The following TCF12 variants were observed in gnomAD, a reference collection of about 807,000 sequenced individuals.
The protein encoded by TCF12 is transcription factor 12.
Under a neutral mutation model 86.0 loss-of-function variants are expected in TCF12, and 45 were observed. The ratio of observed to expected loss-of-function variants is 0.52; its 90% CI spans 0.41 to 0.67. The LOEUF (loss-of-function observed/expected upper bound fraction) is 0.67, where lower values mean the gene tolerates loss of function less well. Ranked by LOEUF, TCF12 falls within the 30% of genes least tolerant of loss-of-function variation. The pLI, the probability that TCF12 is intolerant of heterozygous loss-of-function variation, is 0.00. For missense variants in TCF12, 881 were observed against 859.9 expected, an observed-to-expected ratio of 1.02 and a Z score of -0.31; for synonymous variants, 330 against 299.6, an observed-to-expected ratio of 1.10 and a Z score of -1.05.
intron 3 of TCF12, among the ~76,000 whole-genome samples, chr15:57,023,516 G>C (rs2065624835): frequency 6.6e-6 from 1 of 152,006 alleles, no homozygotes; most frequent in African/African-American, 2.4e-5. Flanking sequence ...AACCATATGA[G>C]TTGTACCCTT....
Position 57,262,126 on chromosome 15 carries a change from C to G in TCF12, c.1500C>G (p.Leu500=), listed in dbSNP as rs570243022. Residue 500 remains leucine, a synonymous_variant, in exon 17 of 21, where the codon CTC becomes CTG. Coordinates refer to ENST00000333725, the MANE Select transcript of TCF12 (RefSeq NM_207037.2). ...VGTHREDSVS[L]NGNHSVLSST... ...CTCATCGGGAAGACTCTGTCAGTCT[C>G]AATGGCAATCATTCAGTCCTGTCTA... 24 of 1,613,418 alleles carry G rather than the reference C, an allele frequency of 1.5e-5. No homozygotes were observed. The highest frequency in any genetic ancestry group is 1.3e-4 in the South Asian group (12 of 90,982).
intron 1 of TCF12, chr15:56,919,673 A>T (rs1221778507): frequency 5.2e-6 from 2 of 384,710 alleles, no homozygotes; most frequent in Non-Finnish European, 9.5e-6. Flanking sequence ...CGCCGCGTCG[A>T]TCTCGGGCCG....
At chr15:57,205,539 G>C (rs993561675) in intron 8 of TCF12, among the ~76,000 whole-genome samples, 3 of 152,144 alleles carry the variant, frequency 2.0e-5, no homozygotes, top group Non-Finnish European at 1.5e-5. Flanking sequence ...TGTTAGATGA[G>C]GTATCTCTAT....
At chr15:57,113,476 A>G (rs2615231) in intron 5 of TCF12, among the ~76,000 whole-genome samples, 76,221 of 151,984 alleles carry the variant, frequency 0.5, 20,457 homozygotes, top group African/African-American at 0.7. Flanking sequence ...TGCCTGAAAT[A>G]TAGCAACATT....
At chr15:57,217,735 C>G (rs529542574) in intron 8 of TCF12, among the ~76,000 whole-genome samples, 1 of 150,956 alleles carries the variant, frequency 6.6e-6, no homozygotes, top group East Asian at 1.9e-4. Context: ...TTTGATTTTC[C>G]TTTTTTTTTG....
At chr15:57,086,241 T>TAATAATAATAATAATAATA (rs1468422719) in intron 4 of TCF12, among the ~76,000 whole-genome samples, 2 of 147,114 alleles carry the variant, frequency 1.4e-5, no homozygotes, top group Admixed American at 1.4e-4. Flanking sequence ...ATAATAATAA[T>TAATAATAATAATAATAATA]ATAATGACTA....
intron 3 of TCF12, among the ~76,000 whole-genome samples, chr15:56,933,127 A>G (rs1454164920): frequency 6.6e-6 from 1 of 152,228 alleles, no homozygotes; most frequent in Non-Finnish European, 1.5e-5. Context: ...ACTTCATAGT[A>G]TGGAAAATTT....
intron 3 of TCF12, among the ~76,000 whole-genome samples, chr15:57,062,903 C>G (rs977487377): frequency 6.6e-6 from 1 of 152,180 alleles, no homozygotes; most frequent in Non-Finnish European, 1.5e-5. Context: ...TCCTTGCAGT[C>G]AAGGATGAAA....
At chr15:56,955,409 G>A (rs1315896227) in intron 3 of TCF12, among the ~76,000 whole-genome samples, 2 of 152,074 alleles carry the variant, frequency 1.3e-5, no homozygotes, top group Admixed American at 1.3e-4. Flanking sequence ...TCGTAGGGTG[G>A]GGGGCTGGGG....
intron 4 of TCF12, among the ~76,000 whole-genome samples, chr15:57,075,189 G>A (rs1418745164): frequency 1.3e-5 from 2 of 152,174 alleles, no homozygotes; most frequent in East Asian, 1.9e-4. Context: ...ATATCTTCTC[G>A]ATGTTGGTAA....
At chr15:57,002,631 A>T (rs2064117313) in intron 3 of TCF12, among the ~76,000 whole-genome samples, 1 of 152,200 alleles carries the variant, frequency 6.6e-6, no homozygotes, top group South Asian at 2.1e-4. Flanking sequence ...ACATAGATAT[A>T]TCCCAATTCA....
rs1255733413 is a variant in TCF12, at chr15:57,273,332, T to G, written c.1978+70T>G. On this transcript the variant is annotated intron_variant, in intron 19 of 20. Coordinates refer to ENST00000333725, the MANE Select transcript of TCF12 (RefSeq NM_207037.2). Reference sequence around the variant, plus strand: ...GGCAGACATTTCTGTTTACAGTTGCTCTTCTGCTTGGAGAAGTTGTTTGTT... The same window carrying G: ...GGCAGACATTTCTGTTTACAGTTGCGCTTCTGCTTGGAGAAGTTGTTTGTT... The G allele has an allele frequency of 1.3e-5, 19 of 1,490,174 alleles. 1 individual carries two copies. Among genetic ancestry groups the G allele is most frequent in the Non-Finnish European group, 1.6e-5 (17 of 1,078,282 alleles). 92.3% of individuals were successfully genotyped at this position (1,490,174 alleles called of 1,614,324 possible). A position where few individuals can be genotyped will look rare whatever the true frequency, so the allele number is the denominator to read the frequency against.
At chr15:56,934,774 C>T (rs1195242927) in intron 3 of TCF12, among the ~76,000 whole-genome samples, 9 of 152,048 alleles carry the variant, frequency 5.9e-5, no homozygotes, top group African/African-American at 2.2e-4. Context: ...CCTTTGGAAC[C>T]CAGTGCCGGT....
At chr15:57,187,720 A>G (rs551014067) in intron 6 of TCF12, among the ~76,000 whole-genome samples, 50 of 152,220 alleles carry the variant, frequency 3.3e-4, no homozygotes, top group Non-Finnish European at 6.9e-4. Flanking sequence ...TCATGAGGAC[A>G]GGAGTTCAAG....
At chr15:57,125,075 C>A (rs1330527653) in intron 5 of TCF12, among the ~76,000 whole-genome samples, 1 of 152,160 alleles carries the variant, frequency 6.6e-6, no homozygotes, top group African/African-American at 2.4e-5. Context: ...AAGAAACTAT[C>A]AACTGGATAG....
At chr15:57,183,591 A>G (rs1399638343) in intron 6 of TCF12, among the ~76,000 whole-genome samples, 1 of 152,162 alleles carries the variant, frequency 6.6e-6, no homozygotes, top group Non-Finnish European at 1.5e-5. Context: ...CTTACTTAAG[A>G]CAAAAGGTTT....
At chr15:57,114,409 G>GC (rs2050703117) in intron 5 of TCF12, among the ~76,000 whole-genome samples, 1 of 152,070 alleles carries the variant, frequency 6.6e-6, no homozygotes, top group African/African-American at 2.4e-5. Context: ...TACCACCTCA[G>GC]CCCCCCAAGT....
intron 5 of TCF12, among the ~76,000 whole-genome samples, chr15:57,134,796 A>G (rs1170191403): frequency 2.0e-5 from 3 of 151,954 alleles, no homozygotes; most frequent in African/African-American, 4.8e-5. Context: ...CCAGTGGATC[A>G]CTGTCAAGAG....
In TCF12 at chr15:57,034,149, C is replaced by A. The variant is rs1234416086; in HGVS notation, c.149-29601C>A. Among the ~76,000 whole-genome samples, 5 of 152,282 alleles carry A rather than the reference C, an allele frequency of 3.3e-5. No homozygotes were observed. In the East Asian group the frequency reaches 9.6e-4, roughly 29 times the overall value. ...AATGGCTTCTCTTTCCTTAGGTGTG[C>A]TTGGATAACCTAATTGATGTATATA... On this transcript the variant is annotated intron_variant, in intron 3 of 20. Coordinates refer to ENST00000333725, the MANE Select transcript of TCF12 (RefSeq NM_207037.2).
Sources: allele counts gnomAD v4.1 joint callset (sites outside exome capture counted in the v4.1 genomes callset), GRCh38; gene constraint gnomAD v4.1.1; transcripts MANE v1.5; gene names NCBI Gene and HGNC (gene_info 2026-07-23, HGNC 2026-07-21).